Variants in ZFP14 observed in about 807,000 individuals in gnomAD.
ZFP14 encodes the protein zinc finger protein 14 homolog.
ZFP14 carries 22 observed loss-of-function variants against 54.5 expected under a neutral mutation model. The observed-to-expected ratio is 0.40, with a 90% CI of 0.29 to 0.58. The LOEUF (loss-of-function observed/expected upper bound fraction) is 0.58, where lower values mean the gene tolerates loss of function less well. ZFP14 is among the 20% of genes least tolerant of loss of function. The pLI is 0.39. For missense variants in ZFP14, 470 were observed against 637.8 expected (o/e 0.74, Z 2.83); for synonymous variants, 159 against 204.0 (o/e 0.78, Z 1.88).
intron 1 of ZFP14, among the ~76,000 whole-genome samples, chr19:36,374,581 G>T (rs2031931469): frequency 6.6e-6 from 1 of 151,508 alleles, no homozygotes; most frequent in South Asian, 2.1e-4. Context: ...AAGTTGAAAA[G>T]AACCTAATTT....
rs1014653297 is a variant in ZFP14 at position 36,341,524 on chromosome 19, A to G, written c.302T>C (p.Phe101Ser). The G allele has an allele frequency of 1.2e-6, 2 of 1,608,102 alleles. No homozygotes were observed. Among genetic ancestry groups the G allele is most frequent in the Non-Finnish European group, 1.7e-6 (2 of 1,178,532 alleles). ...PEKDIYEIYS[F>S]QWDIMERIKS... ...AATTCTTTCCATTATATCCCACTGA[A>G]ATGAATATATTTCATAAATGTCCTT... The change falls in exon 5 of 5, where the codon TTT becomes TCT. Residue 101 changes from phenylalanine to serine, a missense_variant. Phe to Ser is a radical substitution (Grantham distance 155). Transcript: ENST00000270001. This position sits in a 1 kb window ranked among gnomAD's most constrained non-coding sequence, Gnocchi z 4.2.
intron 4 of ZFP14, among the ~76,000 whole-genome samples, chr19:36,348,083 A>G (rs1014827561): frequency 2.0e-5 from 3 of 152,122 alleles, no homozygotes; most frequent in African/African-American, 4.8e-5. Flanking sequence ...GCCCACACAT[A>G]TTCCCTTAGA....
intron 4 of ZFP14, among the ~76,000 whole-genome samples, chr19:36,349,223 C>T (rs1177961526): frequency 1.1e-5 from 1 of 88,418 alleles, no homozygotes; most frequent in Admixed American, 1.8e-4. Context: ...AAGAGGGGAA[C>T]TCTGTCTCAA....
chr19:36,372,850 T>G (rs962319128), intron 1 of ZFP14, among the ~76,000 whole-genome samples: 5 of 152,200 alleles, frequency 3.3e-5, no homozygotes, highest in Admixed American at 2.0e-4. Flanking sequence ...GTAATACCAT[T>G]CAGCTATGAT....
chr19:36,357,460 C>A (rs190800212), intron 4 of ZFP14, among the ~76,000 whole-genome samples: 196 of 152,292 alleles, frequency 1.3e-3, no homozygotes, highest in African/African-American at 4.5e-3. Flanking sequence ...ATGATTGTAG[C>A]TTTTATATGT....
chr19:36,364,018 G>A (rs999485735), intron 2 of ZFP14, among the ~76,000 whole-genome samples: 1 of 151,742 alleles, frequency 6.6e-6, no homozygotes, highest in Non-Finnish European at 1.5e-5. Flanking sequence ...ATAGTTCCAA[G>A]GTTGAGAAAT....
chr19:36,356,848 G>A (rs1370938260), intron 4 of ZFP14, among the ~76,000 whole-genome samples: 1 of 151,842 alleles, frequency 6.6e-6, no homozygotes, highest in African/African-American at 2.4e-5. Flanking sequence ...TCATGGTATT[G>A]GTGTGCCTTT....
intron 1 of ZFP14, among the ~76,000 whole-genome samples, chr19:36,372,912 T>C (rs2031901579): frequency 6.6e-6 from 1 of 152,166 alleles, no homozygotes; most frequent in African/African-American, 2.4e-5. Flanking sequence ...TGGAAGGACG[T>C]TATGTTAAGT....
In ZFP14 at chr19:36,340,412, T is replaced by C. The variant is rs768244388; in HGVS notation, c.1414A>G (p.Ser472Gly). ...TAAGGTTTCTCACCAGTGTGAATAC[T>C]CTGATGTTGGGTAAGTTGTGAGAGC... ...RLLSQLTQHQ[S>G]IHTGEKPYEC... Residue 472 changes from serine (S) to glycine (G), a missense_variant, in exon 5 of 5, where the codon AGT becomes GGT. Ser to Gly is a moderately conservative substitution (Grantham distance 56). Coordinates refer to ENST00000270001, the MANE Select transcript of ZFP14 (RefSeq NM_020917.3). The surrounding 1 kb of genome is among the most constrained non-coding windows in gnomAD (Gnocchi z 5.4). The C allele has an allele frequency of 6.2e-7, 1 of 1,614,182 alleles. No individual in the cohort carries two copies. The highest frequency in any genetic ancestry group is 1.1e-5 in the South Asian group (1 of 91,084).
Position 36,350,251 on chromosome 19 carries a change from A to T in ZFP14, c.236-8661T>A, listed in dbSNP as rs1429668861. On this transcript the variant is annotated intron_variant, in intron 4 of 4. Transcript: ENST00000270001. ...AAAAATGAGAAACAAACACTATCTG[A>T]AGATATAGTAACCAGAATTTTCCCA... Among the ~76,000 whole-genome samples, 24 of 143,246 alleles carry T rather than the reference A, an allele frequency of 1.7e-4. 2 individuals carry two copies. Among genetic ancestry groups the T allele is most frequent in the African/African-American group, 5.9e-4 (23 of 39,056 alleles). 94.0% of individuals were successfully genotyped at this position (143,246 alleles called of 152,430 possible).
intron 1 of ZFP14, among the ~76,000 whole-genome samples, chr19:36,369,847 T>G (rs1419220614): frequency 4.6e-5 from 7 of 151,966 alleles, no homozygotes; most frequent in African/African-American, 1.7e-4. Flanking sequence ...TTGTTTTGTT[T>G]TTTCAAAAAC....
intron 4 of ZFP14, among the ~76,000 whole-genome samples, chr19:36,351,491 T>C (rs985754090): frequency 7.4e-6 from 1 of 135,220 alleles, no homozygotes; most frequent in Non-Finnish European, 1.6e-5. Context: ...AGAGCAAGAC[T>C]GCATATCACA....
chr19:36,357,861 C>A (rs1600077100), intron 4 of ZFP14, among the ~76,000 whole-genome samples: 1 of 150,558 alleles, frequency 6.6e-6, no homozygotes. Flanking sequence ...TCATGCCTCA[C>A]CCTCCCCAGT....
chr19:36,363,658 G>T (rs945014324), intron 2 of ZFP14, among the ~76,000 whole-genome samples: 10 of 152,036 alleles, frequency 6.6e-5, no homozygotes, highest in African/African-American at 2.2e-4. Flanking sequence ...TACAATGCAC[G>T]GGACGGCCCC....
intron 1 of ZFP14, among the ~76,000 whole-genome samples, chr19:36,371,179 C>T (rs893911253): frequency 3.3e-5 from 5 of 152,086 alleles, no homozygotes; most frequent in African/African-American, 1.2e-4. Context: ...AAGAGAATGC[C>T]ATGAACCCAG....
chr19:36,377,461 C>T (rs1314857206), intron 1 of ZFP14, among the ~76,000 whole-genome samples: 1 of 151,340 alleles, frequency 6.6e-6, no homozygotes, highest in African/African-American at 2.4e-5. Flanking sequence ...GTGGAAGGAT[C>T]GCTTGAGCCA....
chr19:36,335,471 A>G lies in ZFP14; in HGVS notation c.*4753T>C, dbSNP rs1198732213. On this transcript the variant is annotated 3_prime_UTR_variant, in exon 5 of 5. Transcript: ENST00000270001. ...CAGAAACTATCTTCATCTAATTTTT[A>G]TTAGGATTATTTTACCTTGCAGAAT... 6.6e-6 allele frequency: 1 copy of G among 152,100 alleles called. No homozygotes were observed. Among genetic ancestry groups the G allele is most frequent in the Non-Finnish European group, 1.5e-5 (1 of 68,028 alleles). The allele number at this position is 152,100 out of a possible 1,614,324, so 9.4% of individuals were successfully genotyped here.
chr19:36,370,426 G>A (rs2031861847), intron 1 of ZFP14, among the ~76,000 whole-genome samples: 1 of 152,254 alleles, frequency 6.6e-6, no homozygotes, highest in African/African-American at 2.4e-5. Flanking sequence ...CATCAGGAAA[G>A]ATCATGCAGC....
chr19:36,344,985 G>A (rs12461529), intron 4 of ZFP14, among the ~76,000 whole-genome samples: 23,005 of 152,086 alleles, frequency 0.15, 2,167 homozygotes, highest in Admixed American at 0.2. Context: ...TTTGTTGGCC[G>A]GGCACTGTGG....
Sources: gnomAD v4.1 joint callset for allele counts (sites outside exome capture counted in the v4.1 genomes callset) on GRCh38, gnomAD v4.1.1 for gene constraint, Gnocchi (gnomAD v3.1) non-coding constraint, MANE v1.5 for transcripts, NCBI Gene and HGNC (gene_info 2026-07-23, HGNC 2026-07-21) for gene names.